Variants in DDX59 observed in about 807,000 individuals in gnomAD.
The protein encoded by DDX59 is DEAD-box helicase 59.
In DDX59, 30 loss-of-function variants were observed where a neutral mutation model predicts 51.9. The ratio of observed to expected loss-of-function variants is 0.58; its 90% CI spans 0.43 to 0.78. The LOEUF (loss-of-function observed/expected upper bound fraction) is 0.78. DDX59 is among the 30% of genes least tolerant of loss of function. The probability of loss-of-function intolerance (pLI) is 0.00; values close to 1 mark genes in which losing one functional copy is unlikely to be tolerated. For missense variants in DDX59, 672 were observed against 730.8 expected, an observed-to-expected ratio of 0.92 and a Z score of 0.93; for synonymous variants, 255 against 253.3, an observed-to-expected ratio of 1.01 and a Z score of -0.06.
intron 7 of DDX59, among the ~76,000 whole-genome samples, chr1:200,646,970 T>C (rs573926436): frequency 1.3e-5 from 2 of 152,332 alleles, no homozygotes; most frequent in African/African-American, 4.8e-5. Flanking sequence ...AAAAACATTA[T>C]GCTAAGTAAA....
At chr1:200,642,753 C>T (rs1661085642), downstream of DDX59, among the ~76,000 whole-genome samples, 1 of 152,178 alleles carries the variant, frequency 6.6e-6, no homozygotes, top group Admixed American at 6.6e-5. Context: ...TATGCAACTG[C>T]GCTTAACTCT....
chr1:200,655,305 ACTC>A (rs1661947635), intron 4 of DDX59, among the ~76,000 whole-genome samples: 1 of 151,440 alleles, frequency 6.6e-6, no homozygotes, highest in Non-Finnish European at 1.5e-5. Flanking sequence ...CTCACAAGGG[ACTC>A]CTCCGCTGCA....
At chr1:200,647,054 A>G (rs1179870082) in intron 7 of DDX59, among the ~76,000 whole-genome samples, 2 of 152,254 alleles carry the variant, frequency 1.3e-5, no homozygotes, top group African/African-American at 4.8e-5. Flanking sequence ...AAATAAAAAG[A>G]GAAGTAGTAC....
chr1:200,644,200 T>C lies in DDX59; in HGVS notation c.*54A>G, dbSNP rs923508166. 1.5e-6 allele frequency: 2 copies of C among 1,295,656 alleles called. No individual in the cohort carries two copies. Among genetic ancestry groups the C allele is most frequent in the Non-Finnish European group, 2.0e-6 (2 of 1,004,894 alleles). The allele number at this position is 1,295,656 out of a possible 1,614,324, so 80.3% of individuals were successfully genotyped here. ...TGTACATTTCCATTTATGCAAACCA[T>C]AATTTTTTGCTGACTATATACAATA... On this transcript the variant is annotated 3_prime_UTR_variant, in exon 8 of 8. Transcript: ENST00000331314.
Position 200,663,987 on chromosome 1 carries a change from TC to T in DDX59, c.903del (p.Met301IlefsTer7). ...AKELMSGLPR[M>X]KTVLLVGGLP... ...AAGCCCCCTACAAGAAGCACAGTTTTCATGCGTGGCAGGCCACTCATCAATT... is the reference window on the plus strand; with the variant it reads ...AAGCCCCCTACAAGAAGCACAGTTTTATGCGTGGCAGGCCACTCATCAATT... On this transcript the variant is annotated frameshift_variant, in exon 3 of 8. Coordinates refer to ENST00000331314, the MANE Select transcript of DDX59 (RefSeq NM_001031725.6). LOFTEE classifies it high-confidence loss of function. 1 of 1,614,222 alleles carries T rather than the reference TC, an allele frequency of 6.2e-7. No individual in the cohort carries two copies. Among genetic ancestry groups the T allele is most frequent in the Non-Finnish European group, 8.5e-7 (1 of 1,180,036 alleles).
intron 3 of DDX59, among the ~76,000 whole-genome samples, chr1:200,662,570 C>T (rs908812362): frequency 2.0e-5 from 3 of 152,116 alleles, no homozygotes; most frequent in African/African-American, 4.8e-5. Flanking sequence ...GCAGAAGAAT[C>T]GCTTGAACCT....
At chr1:200,654,793 T>C (rs987205666) in intron 4 of DDX59, 2 of 152,310 alleles carry the variant, frequency 1.3e-5, no homozygotes, top group African/African-American at 4.8e-5. Flanking sequence ...AAAGGAATTA[T>C]CTGAGTTTTC....
chr1:200,654,192 T>C (rs967802677), intron 4 of DDX59, among the ~76,000 whole-genome samples: 1 of 152,086 alleles, frequency 6.6e-6, no homozygotes, highest in African/African-American at 2.4e-5. Flanking sequence ...GGCGGGCGGA[T>C]CACGAGGTCA....
At chr1:200,641,488 T>G (rs1430627232), downstream of DDX59, among the ~76,000 whole-genome samples, 2 of 151,838 alleles carry the variant, frequency 1.3e-5, no homozygotes, top group African/African-American at 2.4e-5. Context: ...CTCCCAGCAC[T>G]TTGGGAGGCC....
At chr1:200,653,823 A>G (rs1016842753) in intron 4 of DDX59, among the ~76,000 whole-genome samples, 8 of 152,162 alleles carry the variant, frequency 5.3e-5, no homozygotes, top group South Asian at 2.1e-4. Context: ...CTTCTCATTC[A>G]TATCTTAGCA....
At chr1:200,650,804 C>A (rs1267416204) in intron 4 of DDX59, 128 bp from the exon 5 acceptor site, 4 of 787,292 alleles carry the variant, frequency 5.1e-6, no homozygotes, top group South Asian at 2.8e-5. Flanking sequence ...ACCACAATGT[C>A]AAGAGAACTG....
chr1:200,663,001 T>C (rs1662475803), intron 3 of DDX59, among the ~76,000 whole-genome samples: 1 of 152,216 alleles, frequency 6.6e-6, no homozygotes, highest in African/African-American at 2.4e-5. Context: ...TAAAACAACA[T>C]TTTACAGGCT....
chr1:200,645,251 T>C (rs1661225000), intron 7 of DDX59, among the ~76,000 whole-genome samples: 1 of 152,178 alleles, frequency 6.6e-6, no homozygotes, highest in Non-Finnish European at 1.5e-5. Context: ...AAATGTGAGA[T>C]TTATACTAAA....
chr1:200,653,783 C>T (rs569402568), intron 4 of DDX59, among the ~76,000 whole-genome samples: 2 of 152,300 alleles, frequency 1.3e-5, no homozygotes, highest in South Asian at 4.1e-4. Flanking sequence ...GAAAGTCTTC[C>T]CTCCAGATGG....
At chr1:200,662,361 C>T (rs1662429848) in intron 3 of DDX59, among the ~76,000 whole-genome samples, 2 of 152,166 alleles carry the variant, frequency 1.3e-5, no homozygotes, top group Admixed American at 1.3e-4. Context: ...ATTTACTGTA[C>T]TTACCACCTT....
At chr1:200,668,706 C>T (rs1194224468) in intron 1 of DDX59, among the ~76,000 whole-genome samples, 1 of 152,210 alleles carries the variant, frequency 6.6e-6, no homozygotes, top group Non-Finnish European at 1.5e-5. Flanking sequence ...CTTCCCAGAT[C>T]CAGGAGATAA....
chr1:200,648,286 A>G (rs1024164627), intron 7 of DDX59, among the ~76,000 whole-genome samples, 153 bp downstream of exon 7: 1 of 152,086 alleles, frequency 6.6e-6, no homozygotes, highest in African/African-American at 2.4e-5. Flanking sequence ...ATTTCGAGTG[A>G]TCTGCCCGCG....
intron 4 of DDX59, among the ~76,000 whole-genome samples, chr1:200,655,297 C>G (rs1226590854): frequency 1.3e-5 from 2 of 152,190 alleles, no homozygotes; most frequent in Non-Finnish European, 2.9e-5. Context: ...TCAGAAGACT[C>G]ACAAGGGACT....
At chr1:200,655,394 C>G (rs1298109528) in intron 4 of DDX59, among the ~76,000 whole-genome samples, 1 of 152,120 alleles carries the variant, frequency 6.6e-6, no homozygotes, top group African/African-American at 2.4e-5. Flanking sequence ...GCTGGCTGCT[C>G]TTAGATTCTT....
Sources: allele counts gnomAD v4.1 joint callset (sites outside exome capture counted in the v4.1 genomes callset), GRCh38; gene constraint gnomAD v4.1.1; transcripts MANE v1.5; gene names NCBI Gene and HGNC (gene_info 2026-07-23, HGNC 2026-07-21).